Variants in CDS2 observed in about 807,000 individuals in gnomAD.
The protein encoded by CDS2 is CDP-diacylglycerol synthase 2, also known as phosphatidate cytidylyltransferase 2.
Under a neutral mutation model 59.0 loss-of-function variants are expected in CDS2, and 47 were observed. The ratio of observed to expected loss-of-function variants is 0.80; its 90% CI spans 0.63 to 1.02. CDS2 has a LOEUF of 1.02. Ranked by LOEUF, CDS2 falls within the 50% of genes least tolerant of loss-of-function variation. The pLI is 0.00. For missense variants in CDS2, 356 were observed against 558.9 expected (o/e 0.64, Z 3.66); for synonymous variants, 207 against 206.4 (o/e 1.00, Z -0.02).
chr20:5,183,215 C>T, intron 7 of CDS2, 72 bp downstream of exon 7: 3 of 1,271,266 alleles, frequency 2.4e-6, no homozygotes, highest in South Asian at 2.4e-5. Context: ...CCCCTCTAAG[C>T]CAGTGGCCCT....
intron 1 of CDS2, among the ~76,000 whole-genome samples, chr20:5,155,171 C>A: frequency 6.6e-6 from 1 of 152,310 alleles, no homozygotes; most frequent in Non-Finnish European, 1.5e-5. Flanking sequence ...TGGAGGCACT[C>A]CCCCACCCCA....
At chr20:5,154,334 T>C (rs1284055952) in intron 1 of CDS2, among the ~76,000 whole-genome samples, 1 of 152,192 alleles carries the variant, frequency 6.6e-6, no homozygotes, top group Non-Finnish European at 1.5e-5. Context: ...CTTGACCTTC[T>C]GGGTTCACCA....
At chr20:5,136,436 CTGTT>C (rs1472123717) in intron 1 of CDS2, among the ~76,000 whole-genome samples, 1 of 152,124 alleles carries the variant, frequency 6.6e-6, no homozygotes, top group Non-Finnish European at 1.5e-5. Context: ...TGTTTGTTGT[CTGTT>C]TGTTGCTCTT....
At chr20:5,149,607 G>A (rs1202036602) in intron 1 of CDS2, among the ~76,000 whole-genome samples, 2 of 152,128 alleles carry the variant, frequency 1.3e-5, no homozygotes, top group Non-Finnish European at 2.9e-5. Flanking sequence ...TCACTATGTT[G>A]CTCAGGCTGG....
chr20:5,151,794 C>T (rs538224037), intron 1 of CDS2, among the ~76,000 whole-genome samples: 38 of 97,326 alleles, frequency 3.9e-4, no homozygotes, highest in South Asian at 1.2e-3. Flanking sequence ...GACGGAGTTT[C>T]GCTCTTGTTG....
In CDS2 at chr20:5,164,186, A is replaced by G. The variant is rs367610814; in HGVS notation, c.58-9337A>G. Reference sequence around the variant, plus strand: ...AGAAACATACTAGTTTCTCCCTTGAATAGTTACAGTCTATTTGATTGGTAC... The same window carrying G: ...AGAAACATACTAGTTTCTCCCTTGAGTAGTTACAGTCTATTTGATTGGTAC... On this transcript the variant is annotated intron_variant, in intron 1 of 12. Coordinates refer to ENST00000460006, the MANE Select transcript of CDS2 (RefSeq NM_003818.4). 3.9e-5 allele frequency among the ~76,000 whole-genome samples: 6 copies of G among 152,246 alleles called. No individual in the cohort carries two copies. The South Asian group carries it at 1.2e-3, about 32-fold the overall frequency.
intron 1 of CDS2, among the ~76,000 whole-genome samples, chr20:5,158,179 T>G (rs1432432234): frequency 6.6e-6 from 1 of 151,108 alleles, no homozygotes; most frequent in Non-Finnish European, 1.5e-5. Flanking sequence ...TTTTTTTTTT[T>G]TTTTTTAAGA....
intron 1 of CDS2, among the ~76,000 whole-genome samples, chr20:5,131,083 ACT>A (rs1468371198): frequency 6.8e-5 from 10 of 146,214 alleles, no homozygotes; most frequent in Non-Finnish European, 1.5e-4. Flanking sequence ...ACAGAGCAAG[ACT>A]CTGTCTTAAA....
chr20:5,183,253 C>CA, intron 7 of CDS2, 110 bp downstream of exon 7: 1 of 866,800 alleles, frequency 1.2e-6, no homozygotes, highest in Non-Finnish European at 1.9e-6. Context: ...GAATCCTCTG[C>CA]AGGGTTCATT....
chr20:5,162,219 A>G (rs1416768628), intron 1 of CDS2, among the ~76,000 whole-genome samples: 2 of 152,230 alleles, frequency 1.3e-5, no homozygotes, highest in South Asian at 2.1e-4. Flanking sequence ...GAAATTTTCA[A>G]AATCTGAAAC....
chr20:5,141,145 A>G (rs1268716365), intron 1 of CDS2, among the ~76,000 whole-genome samples: 2 of 152,272 alleles, frequency 1.3e-5, no homozygotes, highest in Admixed American at 6.5e-5. Flanking sequence ...GGAGCTGGCC[A>G]TAAAAAATTA....
At chr20:5,133,529 A>G (rs1049507308) in intron 1 of CDS2, among the ~76,000 whole-genome samples, 2 of 151,400 alleles carry the variant, frequency 1.3e-5, no homozygotes, top group African/African-American at 4.9e-5. Flanking sequence ...AAGGTCTTCT[A>G]TTTATTTATT....
intron 1 of CDS2, among the ~76,000 whole-genome samples, chr20:5,139,084 G>A (rs1001637020): frequency 3.9e-5 from 6 of 152,188 alleles, no homozygotes; most frequent in Non-Finnish European, 8.8e-5. Context: ...GCTCATGCCT[G>A]TAATCCCAGC....
At chr20:5,165,451 A>G (rs531685818) in intron 1 of CDS2, among the ~76,000 whole-genome samples, 59 of 152,326 alleles carry the variant, frequency 3.9e-4, no homozygotes, top group African/African-American at 1.3e-3. Flanking sequence ...GTGCCAGGCC[A>G]GGTGCTGGGG....
At chr20:5,168,429 A>G (rs553306413) in intron 1 of CDS2, among the ~76,000 whole-genome samples, 16 of 134,354 alleles carry the variant, frequency 1.2e-4, no homozygotes, top group African/African-American at 3.6e-4. Flanking sequence ...AAAAAAAAAA[A>G]AAAAGAAAAG....
rs1401134362 is a variant in CDS2, at chr20:5,194,208, C to T, written c.*3974C>T. 3.9e-5 allele frequency: 6 copies of T among 152,312 alleles called. No homozygotes were observed. The highest frequency in any genetic ancestry group is 8.8e-5 in the Non-Finnish European group (6 of 68,118). 9.4% of individuals were successfully genotyped at this position (152,312 alleles called of 1,614,324 possible). ...TTCCTTTTCCCTTGATCACCCTGCA[C>T]GCAGCTGCCCAGCTTCCAGTTTTTA... On this transcript the variant is annotated 3_prime_UTR_variant, in exon 13 of 13. Transcript: ENST00000460006.
intron 1 of CDS2, among the ~76,000 whole-genome samples, chr20:5,134,394 T>C (rs1337332796): frequency 1.3e-5 from 2 of 152,224 alleles, no homozygotes; most frequent in African/African-American, 4.8e-5. Flanking sequence ...GTTATCAGTG[T>C]TCATAAGGAT....
intron 1 of CDS2, among the ~76,000 whole-genome samples, chr20:5,172,744 C>T (rs1264339134): frequency 2.0e-5 from 3 of 152,186 alleles, no homozygotes; most frequent in African/African-American, 7.2e-5. Context: ...CTTTCTCCTC[C>T]ACCTCTTCTC....
At chr20:5,177,570 T>C (rs2091003595) in intron 4 of CDS2, among the ~76,000 whole-genome samples, 1 of 152,220 alleles carries the variant, frequency 6.6e-6, no homozygotes, top group Non-Finnish European at 1.5e-5. Flanking sequence ...GTGGTGACTT[T>C]TGAGCAGAGC....
Sources: allele counts gnomAD v4.1 joint callset (sites outside exome capture counted in the v4.1 genomes callset), GRCh38; gene constraint gnomAD v4.1.1; transcripts MANE v1.5; gene names NCBI Gene and HGNC (gene_info 2026-07-23, HGNC 2026-07-21).